The following CHN2 variants were observed in gnomAD, a reference collection of about 807,000 sequenced individuals.
CHN2 encodes beta-chimaerin.
Under a neutral mutation model 56.3 loss-of-function variants are expected in CHN2, and 35 were observed. The observed-to-expected ratio is 0.62, with a 90% CI of 0.47 to 0.82. CHN2 has a LOEUF of 0.82. Among genes scored for constraint, CHN2 ranks in the 40% least tolerant of loss-of-function variants. CHN2 has a pLI of 0.00. For synonymous variants in CHN2, 210 were observed against 212.8 expected (o/e 0.99, Z 0.12); for missense variants, 491 against 580.5 (o/e 0.85, Z 1.58).
chr7:29,393,723 C>T lies in CHN2; in HGVS notation c.176+13C>T, dbSNP rs776115065. The T allele has an allele frequency of 6.1e-6, 5 of 820,700 alleles. No homozygotes were observed. The highest frequency in any genetic ancestry group is 9.0e-6 in the Non-Finnish European group (5 of 556,372). 50.8% of individuals were successfully genotyped at this position (820,700 alleles called of 1,614,324 possible). A position where few individuals can be genotyped will look rare whatever the true frequency, so the allele number is the denominator to read the frequency against. ...ATTATGGAAGAGAGTATGTATTATA[C>T]TATTCTTTGTTTTAATAATTTAATA... On this transcript the variant is annotated intron_variant, in intron 4 of 12. Transcript: ENST00000222792.
At chr7:29,249,765 T>C (rs1305157881) in intron 1 of CHN2, among the ~76,000 whole-genome samples, 5 of 152,188 alleles carry the variant, frequency 3.3e-5, no homozygotes, top group Admixed American at 3.3e-4. Flanking sequence ...TGGAATAAAT[T>C]GTCAAAAAAG....
chr7:29,383,354 G>A (rs1800671463), intron 3 of CHN2, among the ~76,000 whole-genome samples: 1 of 152,120 alleles, frequency 6.6e-6, no homozygotes, highest in Non-Finnish European at 1.5e-5. Context: ...AATACCAAGG[G>A]CAGGAGAAGA....
intron 1 of CHN2, among the ~76,000 whole-genome samples, chr7:29,231,556 A>C (rs117985843): frequency 6.6e-6 from 1 of 152,288 alleles, no homozygotes; most frequent in African/African-American, 2.4e-5. Flanking sequence ...TAATGGTAAC[A>C]TATTGTCCTC....
chr7:29,170,821 C>T (rs1796503795), intron 2 of CHN2, among the ~76,000 whole-genome samples: 1 of 152,134 alleles, frequency 6.6e-6, no homozygotes, highest in African/African-American at 2.4e-5. Context: ...CGAGGAGGAG[C>T]AAGTCACATC....
At chr7:29,195,629 A>AGAGAGAGTGT (rs869037854) in intron 1 of CHN2, among the ~76,000 whole-genome samples, 70 of 117,556 alleles carry the variant, frequency 6.0e-4, no homozygotes, top group Admixed American at 2.1e-3. Context: ...AGAGAGAGAG[A>AGAGAGAGTGT]GTGTGTGTGT....
At chr7:29,221,316 T>C (rs1375352967) in intron 1 of CHN2, among the ~76,000 whole-genome samples, 1 of 152,202 alleles carries the variant, frequency 6.6e-6, no homozygotes, top group Non-Finnish European at 1.5e-5. Flanking sequence ...ATAATGTGAC[T>C]TTAACAAGAA....
intron 2 of CHN2, among the ~76,000 whole-genome samples, chr7:29,186,764 G>A (rs558159846): frequency 3.3e-3 from 507 of 152,148 alleles, no homozygotes; most frequent in African/African-American, 0.011. Flanking sequence ...GAAATTTCAA[G>A]TAAAAACTAA....
At chr7:29,195,011 C>G in intron 1 of CHN2, 21 bp downstream of exon 1, 2 of 1,582,036 alleles carry the variant, frequency 1.3e-6, no homozygotes, top group Non-Finnish European at 1.7e-6. Flanking sequence ...GCCCGTCGGG[C>G]GCTGCTGCCG....
intron 6 of CHN2, among the ~76,000 whole-genome samples, chr7:29,441,140 AT>A (rs373137926): frequency 4.0e-5 from 6 of 151,280 alleles, no homozygotes; most frequent in East Asian, 1.9e-4. Context: ...AATAAATTTC[AT>A]TTTTTTTTGT....
chr7:29,439,748 T>C (rs1054823013), intron 6 of CHN2, among the ~76,000 whole-genome samples: 1 of 152,222 alleles, frequency 6.6e-6, no homozygotes, highest in Admixed American at 6.5e-5. Context: ...TATTTCTTGA[T>C]TGAATAAATG....
intron 1 of CHN2, among the ~76,000 whole-genome samples, chr7:29,264,224 G>C (rs1789913431): frequency 6.6e-6 from 1 of 151,036 alleles, no homozygotes; most frequent in South Asian, 2.1e-4. Flanking sequence ...CCACCACCCC[G>C]TCTGGGAGGT....
chr7:29,211,097 G>A lies in CHN2; in HGVS notation c.49+16107G>A, dbSNP rs191949193. Among the ~76,000 whole-genome samples, 30 of 151,838 alleles carry A rather than the reference G, an allele frequency of 2.0e-4. No homozygotes were observed. The East Asian group carries it at 5.2e-3, about 27-fold the overall frequency. ...TTGTTGTTGTTGTTGTTGAGACGGAGTCTCGCTCTATCGCCCAGGCTGGAG... is the reference window on the plus strand; with the variant it reads ...TTGTTGTTGTTGTTGTTGAGACGGAATCTCGCTCTATCGCCCAGGCTGGAG... On this transcript the variant is annotated intron_variant, in intron 1 of 12. Transcript: ENST00000222792.
chr7:29,374,831 T>G (rs1444267269), intron 3 of CHN2, among the ~76,000 whole-genome samples: 37 of 149,642 alleles, frequency 2.5e-4, no homozygotes, highest in African/African-American at 9.2e-4. Context: ...CTTCCTTCCT[T>G]CCTTCCTTCC....
intron 1 of CHN2, among the ~76,000 whole-genome samples, chr7:29,247,371 C>T (rs1320531588): frequency 6.6e-6 from 1 of 152,308 alleles, no homozygotes; most frequent in Admixed American, 6.5e-5. Context: ...ACAGGCCTGG[C>T]TGCCTCCTTT....
At chr7:29,470,044 G>A (rs1785894829) in intron 6 of CHN2, among the ~76,000 whole-genome samples, 1 of 152,182 alleles carries the variant, frequency 6.6e-6, no homozygotes, top group Non-Finnish European at 1.5e-5. Flanking sequence ...AATTGCATGT[G>A]GTCATTTCAG....
At chr7:29,263,901 C>A (rs906061645) in intron 1 of CHN2, among the ~76,000 whole-genome samples, 1 of 149,346 alleles carries the variant, frequency 6.7e-6, no homozygotes, top group Non-Finnish European at 1.5e-5. Flanking sequence ...GGAGCGTCTC[C>A]GCCCGGCAGC....
In CHN2 at chr7:29,194,850, G is replaced by A; in HGVS notation, c.-92G>A. The A allele has an allele frequency of 8.2e-7, 1 of 1,215,142 alleles. No homozygotes were observed. Among genetic ancestry groups the A allele is most frequent in the Non-Finnish European group, 1.1e-6 (1 of 940,304 alleles). 75.3% of individuals were successfully genotyped at this position (1,215,142 alleles called of 1,614,324 possible). On this transcript the variant is annotated 5_prime_UTR_variant, in exon 1 of 13. Coordinates refer to ENST00000222792, the MANE Select transcript of CHN2 (RefSeq NM_004067.4). The stretch of plus-strand genomic sequence containing the variant: ...TCCCCAGGACTTTGCCATGGGCTGG[G>A]GGCCGCGGAGGCTGCGAGCGGCCGG...
At chr7:29,292,999 T>C (rs1274282326) in intron 1 of CHN2, 1 of 456,286 alleles carries the variant, frequency 2.2e-6, no homozygotes, top group Admixed American at 2.3e-5. Flanking sequence ...GTCTTTGCAC[T>C]CAGAGCCAGC....
chr7:29,154,865 A>G (rs113914255), intron 2 of CHN2, among the ~76,000 whole-genome samples: 8,653 of 152,238 alleles, frequency 0.057, 280 homozygotes, highest in Middle Eastern at 0.11. Flanking sequence ...TGATAAAGAC[A>G]TACTCGAGAC....
Sources: allele counts gnomAD v4.1 joint callset (sites outside exome capture counted in the v4.1 genomes callset), GRCh38; gene constraint gnomAD v4.1.1; transcripts MANE v1.5; gene names NCBI Gene and HGNC (gene_info 2026-07-23, HGNC 2026-07-21).